Variants in SYNE1 observed in about 807,000 individuals in gnomAD.
SYNE1 encodes the protein nesprin-1.
In SYNE1, 616 loss-of-function variants were observed where a neutral mutation model predicts 1,111.0. The observed-to-expected ratio is 0.55, with a 90% CI of 0.52 to 0.59. The LOEUF is 0.59. Among genes scored for constraint, SYNE1 ranks in the 20% least tolerant of loss-of-function variants. SYNE1 has a pLI of 0.00. For missense variants in SYNE1, 10,006 were observed against 10,417.0 expected (o/e 0.96, Z 1.72); for synonymous variants, 3,855 against 3,825.8 (o/e 1.01, Z -0.28).
At chr6:152,216,491 T>G (rs1342302697) in intron 121 of SYNE1, among the ~76,000 whole-genome samples, 2 of 152,032 alleles carry the variant, frequency 1.3e-5, no homozygotes, top group Non-Finnish European at 2.9e-5. Context: ...CTCTTTTTAG[T>G]GAGGAGTGAG....
chr6:152,500,396 G>T (rs769955319), intron 10 of SYNE1, among the ~76,000 whole-genome samples: 41 of 152,146 alleles, frequency 2.7e-4, no homozygotes, highest in Non-Finnish European at 8.8e-5. Flanking sequence ...GTTAAGTCAC[G>T]CTGGTGGCCA....
At chr6:152,210,848 TA>T (rs11352705) in intron 124 of SYNE1, among the ~76,000 whole-genome samples, 29,307 of 152,118 alleles carry the variant, frequency 0.19, 3,356 homozygotes, top group Non-Finnish European at 0.26. Flanking sequence ...CCATTTTTAA[TA>T]AAGAGATAAT....
At chr6:152,233,757 C>T in intron 112 of SYNE1, 24 bp downstream of exon 112, 1 of 1,613,968 alleles carries the variant, frequency 6.2e-7, no homozygotes, top group South Asian at 1.1e-5. Context: ...CAGCTATTTC[C>T]CACGAAAGCA....
intron 5 of SYNE1, among the ~76,000 whole-genome samples, chr6:152,522,977 C>T (rs141461730): frequency 0.018 from 2,693 of 152,110 alleles, 48 homozygotes; most frequent in Non-Finnish European, 0.025. Flanking sequence ...GCATAGTTTG[C>T]AAATATTTTC....
chr6:152,348,349 C>G (rs1472793479), intron 72 of SYNE1, among the ~76,000 whole-genome samples: 1 of 152,166 alleles, frequency 6.6e-6, no homozygotes, highest in Non-Finnish European at 1.5e-5. Flanking sequence ...CTTTAGTGAG[C>G]ATTCTTATAG....
At chr6:152,584,851 C>A (rs1242553226) in intron 3 of SYNE1, among the ~76,000 whole-genome samples, 2 of 152,096 alleles carry the variant, frequency 1.3e-5, no homozygotes, top group African/African-American at 2.4e-5. Context: ...ACATTTAAAT[C>A]TTCATCATAT....
chr6:152,178,409 T>C (rs2067023769), intron 129 of SYNE1, among the ~76,000 whole-genome samples: 1 of 152,210 alleles, frequency 6.6e-6, no homozygotes, highest in Non-Finnish European at 1.5e-5. Flanking sequence ...ATCTGTATCA[T>C]CTCAGCCAAG....
At chr6:152,416,290 TTTCCTTGAACAGTAC>T (rs1383133550) in intron 41 of SYNE1, 82 bp downstream of exon 41, 3 of 1,557,788 alleles carry the variant, frequency 1.9e-6, no homozygotes, top group Non-Finnish European at 2.6e-6. Flanking sequence ...GAGTTTTTAT[TTTCCTTGAACAGTAC>T]TAATAAAGTT....
intron 104 of SYNE1, among the ~76,000 whole-genome samples, chr6:152,252,634 A>T (rs987516870): frequency 2.6e-5 from 4 of 152,228 alleles, no homozygotes; most frequent in Non-Finnish European, 5.9e-5. Context: ...CTGAGGACTG[A>T]CAGCATACCA....
At chr6:152,296,595 G>GT (rs1203982137) in intron 93 of SYNE1, among the ~76,000 whole-genome samples, 2 of 152,230 alleles carry the variant, frequency 1.3e-5, no homozygotes, top group Non-Finnish European at 2.9e-5. Flanking sequence ...TCTCATTACA[G>GT]TAACAGCTTC....
rs779044807 is a variant in SYNE1 at position 152,447,662 on chromosome 6, G to C, written c.3505-40C>G. 45 of 1,612,522 alleles carry C rather than the reference G, an allele frequency of 2.8e-5. 1 individual carries two copies. The East Asian group carries it at 9.8e-4, about 35-fold the overall frequency. On this transcript the variant is annotated intron_variant, in intron 28 of 145. Transcript: ENST00000367255. ...CACTTTTGATGAACACAGTGCAATT[G>C]TGAAATCATAACTTTCCAGCAATAA... is the stretch of plus-strand genomic sequence containing the variant.
chr6:152,371,911 AG>A (rs2097195452), intron 59 of SYNE1, among the ~76,000 whole-genome samples: 1 of 68,282 alleles, frequency 1.5e-5, no homozygotes, highest in African/African-American at 4.3e-5. Flanking sequence ...AGGAAAGGAA[AG>A]GAAAGGAAAG....
At chr6:152,228,511 T>C (rs1395770686) in intron 115 of SYNE1, among the ~76,000 whole-genome samples, 2 of 151,806 alleles carry the variant, frequency 1.3e-5, no homozygotes, top group East Asian at 3.9e-4. Context: ...GAAAAAGCTA[T>C]GTTAAAGAGA....
chr6:152,287,787 T>C (rs1474687364), intron 95 of SYNE1, among the ~76,000 whole-genome samples: 1 of 152,188 alleles, frequency 6.6e-6, no homozygotes, highest in African/African-American at 2.4e-5. Context: ...GCTCAAGTGA[T>C]CTGCCCGCTT....
At chr6:152,537,938 A>C (rs565715647) in intron 4 of SYNE1, among the ~76,000 whole-genome samples, 3 of 152,274 alleles carry the variant, frequency 2.0e-5, no homozygotes, top group Non-Finnish European at 2.9e-5. Context: ...TTTAACTCAT[A>C]AACGGTTTGG....
intron 91 of SYNE1, among the ~76,000 whole-genome samples, chr6:152,305,851 T>C (rs564896672): frequency 6.6e-6 from 1 of 152,294 alleles, no homozygotes; most frequent in South Asian, 2.1e-4. Flanking sequence ...GGTTTAAAAC[T>C]AACAAACATA....
At chr6:152,486,664 A>T (rs185206793) in intron 12 of SYNE1, among the ~76,000 whole-genome samples, 1 of 152,200 alleles carries the variant, frequency 6.6e-6, no homozygotes, top group Non-Finnish European at 1.5e-5. Flanking sequence ...AGCCCAGAAA[A>T]TTTTATTTTG....
At chr6:152,252,556 T>C (rs2089644749) in intron 104 of SYNE1, among the ~76,000 whole-genome samples, 1 of 152,222 alleles carries the variant, frequency 6.6e-6, no homozygotes, top group African/African-American at 2.4e-5. Context: ...AGAATAATGT[T>C]AGCAGTCTGG....
Position 152,478,053 on chromosome 6 carries a change from C to A in SYNE1, c.1350+5032G>T, listed in dbSNP as rs376076527. ...ACATGCTGGGATTATAAGTATGAGC[C>A]ACCATGCCTTAAAGAAAGTCTTTCA... On this transcript the variant is annotated intron_variant, in intron 14 of 145. Coordinates refer to ENST00000367255, the MANE Select transcript of SYNE1 (RefSeq NM_182961.4). Among the ~76,000 whole-genome samples, 10 of 152,290 alleles carry A rather than the reference C, an allele frequency of 6.6e-5. No homozygotes were observed. In the East Asian group the frequency reaches 1.7e-3, roughly 26 times the overall value.
Sources: gnomAD v4.1 joint callset for allele counts (sites outside exome capture counted in the v4.1 genomes callset) on GRCh38, gnomAD v4.1.1 for gene constraint, MANE v1.5 for transcripts, NCBI Gene and HGNC (gene_info 2026-07-23, HGNC 2026-07-21) for gene names.